The following TJP3 variants were observed in gnomAD, a reference collection of about 807,000 sequenced individuals.
TJP3 encodes tight junction protein ZO-3.
TJP3 carries 85 observed loss-of-function variants against 104.2 expected under a neutral mutation model. The observed-to-expected ratio is 0.82, with a 90% confidence interval of 0.68 to 0.98. TJP3 has a LOEUF of 0.98. TJP3 is among the 50% of genes least tolerant of loss of function. The pLI is 0.00. For synonymous variants in TJP3, 550 were observed against 550.6 expected, an observed-to-expected ratio of 1.00 and a Z score of 0.02; for missense variants, 1,367 against 1,322.8, an observed-to-expected ratio of 1.03 and a Z score of -0.52.
rs190555817 is a variant in TJP3 at position 3,743,951 on chromosome 19, G to C, written c.1856G>C (p.Arg619Pro). 6.2e-7 allele frequency: 1 copy of C among 1,614,080 alleles called. No homozygotes were observed. The highest frequency in any genetic ancestry group is 2.2e-5 in the East Asian group (1 of 44,886). Reference sequence around the variant, plus strand: ...CTCTACCCCTCAGCCAGTTTCAAGCGCCCGGTAGTGATCCTGGGACCCGTG... The same window carrying C: ...CTCTACCCCTCAGCCAGTTTCAAGCCCCCGGTAGTGATCCTGGGACCCGTG... ...RVVLREASFK[R>P]PVVILGPVAD... The change falls in exon 15 of 21, where the codon CGC becomes CCC. Residue 619 changes from arginine (R) to proline (P), a missense_variant. Arg to Pro is a moderately radical substitution (Grantham distance 103). Transcript: ENST00000541714.
chr19:3,735,345 G>A (rs2036724454), intron 8 of TJP3, among the ~76,000 whole-genome samples: 1 of 151,758 alleles, frequency 6.6e-6, no homozygotes, highest in South Asian at 2.1e-4. Context: ...GATTACAGGC[G>A]CCCACCATCA....
intron 1 of TJP3, among the ~76,000 whole-genome samples, chr19:3,712,418 C>T (rs762109823): frequency 6.6e-6 from 1 of 152,192 alleles, no homozygotes; most frequent in Non-Finnish European, 1.5e-5. Flanking sequence ...TCACCTTTGG[C>T]TTTCCCACTG....
intron 19 of TJP3, among the ~76,000 whole-genome samples, chr19:3,748,297 A>G (rs1202710420): frequency 2.3e-5 from 3 of 132,766 alleles, no homozygotes; most frequent in Non-Finnish European, 4.6e-5. Flanking sequence ...TTTGAGACGC[A>G]GTCTTGCTCT....
rs1255005594 is a variant in TJP3, at chr19:3,716,791, A to G, written c.-10+8230A>G. ...ACACCCAGCTCATACATATATATATATATATATATATTTTTTTTTTTTTTT... is the reference window on the plus strand; with the variant it reads ...ACACCCAGCTCATACATATATATATGTATATATATATTTTTTTTTTTTTTT... On this transcript the variant is annotated intron_variant, in intron 1 of 20. Transcript: ENST00000541714. Among the ~76,000 whole-genome samples the G allele has an allele frequency of 1.8e-4, 12 of 67,002 alleles. No homozygotes were observed. In the East Asian group the frequency reaches 6.1e-3, roughly 34 times the overall value. 44.0% of individuals were successfully genotyped at this position (67,002 alleles called of 152,430 possible).
At chr19:3,713,915 C>T (rs1176253922) in intron 1 of TJP3, among the ~76,000 whole-genome samples, 55 of 148,768 alleles carry the variant, frequency 3.7e-4, no homozygotes, top group Non-Finnish European at 7.0e-4. Flanking sequence ...TTAGTAGAGA[C>T]GGAGTTTCAC....
chr19:3,711,675 G>A (rs1264133505), intron 1 of TJP3, among the ~76,000 whole-genome samples: 6 of 133,098 alleles, frequency 4.5e-5, no homozygotes, highest in Non-Finnish European at 6.4e-5. Context: ...GGTGGATCAC[G>A]AGGTCAGGAG....
chr19:3,745,361 C>T (rs2036873228), intron 15 of TJP3, among the ~76,000 whole-genome samples: 1 of 151,998 alleles, frequency 6.6e-6, no homozygotes, highest in South Asian at 2.1e-4. Context: ...CCAGGCTGGT[C>T]TCAAACTTCT....
chr19:3,715,380 C>T (rs949619400), intron 1 of TJP3, among the ~76,000 whole-genome samples: 4 of 152,128 alleles, frequency 2.6e-5, no homozygotes, highest in Admixed American at 6.6e-5. Context: ...TGAGCCACCG[C>T]GCCCGGCCAA....
chr19:3,736,191 G>A lies in TJP3; in HGVS notation c.1154G>A (p.Arg385His), dbSNP rs138412311. 1.3e-4 allele frequency: 211 copies of A among 1,597,604 alleles called. No individual in the cohort carries two copies. In the African/African-American group the frequency reaches 1.9e-3, roughly 14 times the overall value. Residue 385 changes from arginine to histidine, a missense_variant, in exon 11 of 21, where the codon CGC becomes CAC. By Grantham distance (29) the Arg-to-His change is conservative (BLOSUM62 0). Coordinates refer to ENST00000541714, the MANE Select transcript of TJP3 (RefSeq NM_001267560.2). ...RGYSPDTRVV[R>H]FLKGKSIGLR... The stretch of plus-strand genomic sequence containing the variant: ...TACAGCCCCGACACGCGTGTGGTCC[G>A]CTTCCTCAAGGGCAAGAGCATCGGG...
intron 1 of TJP3, among the ~76,000 whole-genome samples, chr19:3,720,780 GAGA>G (rs770252448): frequency 6.6e-4 from 101 of 152,116 alleles, no homozygotes; most frequent in Non-Finnish European, 1.2e-3. Flanking sequence ...TGGGCTGGGT[GAGA>G]AGAAGGAAAC....
chr19:3,747,536 AAG>A (rs894500238), intron 18 of TJP3, among the ~76,000 whole-genome samples: 3 of 152,166 alleles, frequency 2.0e-5, no homozygotes, highest in South Asian at 2.1e-4. Context: ...TCTCATAAAA[AAG>A]AGAGAGAGAA....
rs370622256 is a variant in TJP3 at position 3,746,835 on chromosome 19, C to T, written c.2281C>T (p.Arg761Ter). 10 of 1,611,786 alleles carry T rather than the reference C, an allele frequency of 6.2e-6. No individual in the cohort carries two copies. The highest frequency in any genetic ancestry group is 2.2e-5 in the East Asian group (1 of 44,840). The change falls in exon 18 of 21, where the codon CGA (arginine) becomes TGA (stop). Residue 761 changes from arginine to a stop codon, truncating the protein, a stop_gained. Transcript: ENST00000541714. LOFTEE classifies it high-confidence loss of function. The surrounding 1 kb of genome is among the most constrained non-coding windows in gnomAD (Gnocchi z 4.1). ...TWYQELKAII[R>*]EQQTRPIWTA... ...GTACCAGGAGCTCAAGGCCATCATTCGAGAGCAGCAGACGCGGCCCATCTG... is the reference window on the plus strand; with the variant it reads ...GTACCAGGAGCTCAAGGCCATCATTTGAGAGCAGCAGACGCGGCCCATCTG...
At chr19:3,714,746 C>T (rs943238415) in intron 1 of TJP3, among the ~76,000 whole-genome samples, 1 of 151,940 alleles carries the variant, frequency 6.6e-6, no homozygotes, top group South Asian at 2.1e-4. Context: ...TCAGCCCAGC[C>T]CCTGCTATCT....
intron 1 of TJP3, among the ~76,000 whole-genome samples, chr19:3,727,881 G>A (rs1440959072): frequency 6.6e-6 from 1 of 152,132 alleles, no homozygotes; most frequent in African/African-American, 2.4e-5. Flanking sequence ...GGCAGAGACT[G>A]CAGTGAGCAG....
At position 3,746,079 on chromosome 19, in the gene TJP3, A is replaced by G. The variant is rs1217667994; in HGVS notation, c.2008A>G (p.Lys670Glu). The change falls in exon 16 of 21, where the codon AAA (lysine) becomes GAA (glutamate). Residue 670 changes from lysine to glutamate, a missense_variant and splice_region_variant. Lys to Glu is a moderately conservative substitution (Grantham distance 56). Transcript: ENST00000541714. This position sits in a 1 kb window ranked among gnomAD's most constrained non-coding sequence, Gnocchi z 4.1. ...AGACACCGTGCGGGTGATTGCAGAA[A>G]AAGTAAGCCGGGTCCTGCTACGGGT... ...KLDTVRVIAE[K>E]DKHALLDVTP... 1 of 1,607,548 alleles carries G rather than the reference A, an allele frequency of 6.2e-7. No individual in the cohort carries two copies. Among genetic ancestry groups the G allele is most frequent in the Non-Finnish European group, 8.5e-7 (1 of 1,176,772 alleles).
At chr19:3,739,645 C>T (rs1048336054) in intron 13 of TJP3, among the ~76,000 whole-genome samples, 9 of 152,188 alleles carry the variant, frequency 5.9e-5, no homozygotes, top group African/African-American at 2.2e-4. Flanking sequence ...TGGCTTTAAA[C>T]AACACACACA....
chr19:3,743,284 T>A (rs1027366052), intron 14 of TJP3, among the ~76,000 whole-genome samples: 9 of 151,208 alleles, frequency 6.0e-5, no homozygotes, highest in African/African-American at 2.2e-4. Flanking sequence ...GTAAATAAAA[T>A]AAAAGAAAGA....
intron 20 of TJP3, 116 bp from the exon 21 acceptor site, chr19:3,750,466 C>A (rs999956682): frequency 1.4e-5 from 13 of 899,974 alleles, no homozygotes; most frequent in Non-Finnish European, 2.3e-5. Context: ...CATGAATGCC[C>A]AGATGTGCTT....
chr19:3,741,831 A>G (rs1011994164), intron 14 of TJP3, among the ~76,000 whole-genome samples: 6 of 150,754 alleles, frequency 4.0e-5, no homozygotes, highest in Non-Finnish European at 8.9e-5. Context: ...TTAGCTGGGC[A>G]TGGTGGCAGG....
Sources: gnomAD v4.1 joint callset for allele counts (sites outside exome capture counted in the v4.1 genomes callset) on GRCh38, gnomAD v4.1.1 for gene constraint, Gnocchi (gnomAD v3.1) non-coding constraint, MANE v1.5 for transcripts, NCBI Gene and HGNC (gene_info 2026-07-23, HGNC 2026-07-21) for gene names.